Variants in MLANA observed in about 807,000 individuals in gnomAD.
The protein encoded by MLANA is melanoma antigen recognized by T-cells 1.
MLANA carries 21 observed loss-of-function variants against 15.7 expected under a neutral mutation model. The ratio of observed to expected loss-of-function variants is 1.33; its 90% CI spans 0.95 to 1.92. The LOEUF is 1.92. Ranked by LOEUF, MLANA falls within the 40% of genes most tolerant of loss-of-function variation. The pLI is 0.00. For missense variants in MLANA, 164 were observed against 143.8 expected, an observed-to-expected ratio of 1.14 and a Z score of -0.72; for synonymous variants, 56 against 51.5, an observed-to-expected ratio of 1.09 and a Z score of -0.37.
chr9:5,901,747 C>A (rs560304187), intron 3 of MLANA, among the ~76,000 whole-genome samples: 3 of 152,160 alleles, frequency 2.0e-5, no homozygotes, highest in African/African-American at 7.2e-5. Flanking sequence ...GTCTCAAACT[C>A]CTGAGCACAA....
At chr9:5,903,448 G>A (rs757601852) in intron 3 of MLANA, among the ~76,000 whole-genome samples, 2 of 152,164 alleles carry the variant, frequency 1.3e-5, no homozygotes, top group African/African-American at 2.4e-5. Context: ...CTATATTTAT[G>A]AGAGATAACG....
At chr9:5,898,524 A>G (rs1379613929) in intron 3 of MLANA, among the ~76,000 whole-genome samples, 1 of 152,182 alleles carries the variant, frequency 6.6e-6, no homozygotes, top group Non-Finnish European at 1.5e-5. Context: ...TGGGGGACAC[A>G]TTCAAACTAT....
At chr9:5,901,281 G>T (rs761157958) in intron 3 of MLANA, among the ~76,000 whole-genome samples, 1 of 152,160 alleles carries the variant, frequency 6.6e-6, no homozygotes, top group Non-Finnish European at 1.5e-5. Context: ...GGTGAGACAG[G>T]ACATCCTTGC....
intron 2 of MLANA, among the ~76,000 whole-genome samples, chr9:5,893,570 T>C (rs1831799174): frequency 6.6e-6 from 1 of 152,134 alleles, no homozygotes; most frequent in African/African-American, 2.4e-5. Context: ...CGGTATCTTC[T>C]CAGAAAATGT....
rs1405206033 is a variant in MLANA, at chr9:5,910,516, C to A, written c.*1808C>A. On this transcript the variant is annotated 3_prime_UTR_variant, in exon 5 of 5. Coordinates refer to ENST00000381477, the MANE Select transcript of MLANA (RefSeq NM_005511.2). ...TTCATCAGGCATTTGGGTACCTCCT[C>A]CCCTCACCACGAGGTCTCTGCTGAA... is the stretch of plus-strand genomic sequence containing the variant. 6.6e-6 allele frequency: 1 copy of A among 152,292 alleles called. No homozygotes were observed. The highest frequency in any genetic ancestry group is 2.4e-5 in the African/African-American group (1 of 41,556). The allele number at this position is 152,292 out of a possible 1,614,324, so 9.4% of individuals were successfully genotyped here.
chr9:5,906,174 GATC>G (rs1173403110), intron 3 of MLANA, among the ~76,000 whole-genome samples: 10 of 147,204 alleles, frequency 6.8e-5, no homozygotes, highest in Non-Finnish European at 1.3e-4. Flanking sequence ...AACTTAGCAA[GATC>G]ATGTCTCTTA....
intron 4 of MLANA, chr9:5,907,288 G>T (rs576209550): frequency 1.4e-3 from 280 of 202,050 alleles, no homozygotes; most frequent in Non-Finnish European, 2.4e-3. Flanking sequence ...TTCAAAGGAA[G>T]AATTTAGTCC....
intron 3 of MLANA, among the ~76,000 whole-genome samples, chr9:5,898,565 A>G (rs1832198363): frequency 1.3e-5 from 2 of 152,250 alleles, no homozygotes; most frequent in Admixed American, 1.3e-4. Flanking sequence ...TACTCATAGC[A>G]GACTTGGGTA....
intron 3 of MLANA, among the ~76,000 whole-genome samples, chr9:5,900,470 T>C (rs1418687798): frequency 8.5e-5 from 13 of 152,232 alleles, no homozygotes; most frequent in Admixed American, 8.5e-4. Context: ...CAAAATTATG[T>C]AAAATAGTGC....
At chr9:5,896,782 G>A (rs1832053936) in intron 2 of MLANA, among the ~76,000 whole-genome samples, 1 of 152,186 alleles carries the variant, frequency 6.6e-6, no homozygotes, top group African/African-American at 2.4e-5. Flanking sequence ...AGGGGTCACT[G>A]AACACAGGGC....
At chr9:5,892,854 T>C (rs1488795675) in intron 2 of MLANA, among the ~76,000 whole-genome samples, 1 of 152,148 alleles carries the variant, frequency 6.6e-6, no homozygotes, top group Non-Finnish European at 1.5e-5. Flanking sequence ...CTGTTCAGGA[T>C]CACAATGCCT....
chr9:5,906,594 C>T (rs1375625995), intron 3 of MLANA, among the ~76,000 whole-genome samples: 1 of 152,214 alleles, frequency 6.6e-6, no homozygotes. Flanking sequence ...ATTCACTCTT[C>T]TTATCCTTCC....
At chr9:5,905,857 T>C (rs1832769421) in intron 3 of MLANA, among the ~76,000 whole-genome samples, 1 of 152,224 alleles carries the variant, frequency 6.6e-6, no homozygotes, top group African/African-American at 2.4e-5. Context: ...CTCTTGAGAC[T>C]ATTCTCCCGG....
At chr9:5,891,152 G>A (rs1831634460) in intron 1 of MLANA, 1 of 152,130 alleles carries the variant, frequency 6.6e-6, no homozygotes, top group African/African-American at 2.4e-5. Flanking sequence ...AAGAAGAAAA[G>A]CAATTATTCA....
Position 5,908,744 on chromosome 9 carries a change from TTC to T in MLANA, c.*41_*42del, listed in dbSNP as rs1217680062. The T allele has an allele frequency of 6.3e-7, 1 of 1,579,332 alleles. No homozygotes were observed. The highest frequency in any genetic ancestry group is 2.2e-5 in the East Asian group (1 of 44,678). On this transcript the variant is annotated 3_prime_UTR_variant, in exon 5 of 5. Transcript: ENST00000381477. The stretch of plus-strand genomic sequence containing the variant: ...GACACCTGAGACATGCTGAAATTAT[TTC>T]TCTCACACTTTTGCTTGAATTTAAT...
At chr9:5,907,402 C>T (rs765618614) in intron 4 of MLANA, among the ~76,000 whole-genome samples, 6 of 152,162 alleles carry the variant, frequency 3.9e-5, no homozygotes, top group African/African-American at 7.2e-5. Context: ...TTGTATAGAG[C>T]TGTGCTGTCT....
At chr9:5,892,961 C>T (rs987408141) in intron 2 of MLANA, among the ~76,000 whole-genome samples, 3 of 152,132 alleles carry the variant, frequency 2.0e-5, no homozygotes, top group Non-Finnish European at 4.4e-5. Context: ...GTAAGGATGA[C>T]GGGCAGGTGT....
At chr9:5,907,397 T>C (rs1832884993) in intron 4 of MLANA, among the ~76,000 whole-genome samples, 1 of 152,186 alleles carries the variant, frequency 6.6e-6, no homozygotes, top group African/African-American at 2.4e-5. Context: ...ATTTATTGTA[T>C]AGAGCTGTGC....
In MLANA at chr9:5,909,020, G is replaced by A. The variant is rs1334475181; in HGVS notation, c.*312G>A. 9.1e-6 allele frequency: 3 copies of A among 328,720 alleles called. No individual in the cohort carries two copies. Among genetic ancestry groups the A allele is most frequent in the East Asian group, 6.8e-5 (1 of 14,684 alleles). The allele number at this position is 328,720 out of a possible 1,614,324, so 20.4% of individuals were successfully genotyped here. Reference sequence around the variant, plus strand: ...GACAGAATTCAAGTGGGTATTCTGGGGCCATCCAATTTCTCTTTACTTGAA... The same window carrying A: ...GACAGAATTCAAGTGGGTATTCTGGAGCCATCCAATTTCTCTTTACTTGAA... On this transcript the variant is annotated 3_prime_UTR_variant, in exon 5 of 5. Transcript: ENST00000381477.
Sources: gnomAD v4.1 joint callset for allele counts (sites outside exome capture counted in the v4.1 genomes callset) on GRCh38, gnomAD v4.1.1 for gene constraint, MANE v1.5 for transcripts, NCBI Gene and HGNC (gene_info 2026-07-23, HGNC 2026-07-21) for gene names.